The following TMEM185A variants were observed in gnomAD, a reference collection of about 807,000 sequenced individuals.
The protein encoded by TMEM185A is family with sequence similarity 11, member A.
Under a neutral mutation model 25.0 loss-of-function variants are expected in TMEM185A, and 9 were observed. The observed-to-expected ratio is 0.36, with a 90% CI of 0.22 to 0.63. The LOEUF is 0.63. TMEM185A is among the 20% of genes least tolerant of loss of function. The pLI is 0.68. For missense variants in TMEM185A, 103 were observed against 237.4 expected (o/e 0.43, Z 3.72); for synonymous variants, 45 against 93.5 (o/e 0.48, Z 2.99).
At position 149,605,529 on chromosome X, in the gene TMEM185A, G is replaced by A. The variant is rs113736668; in HGVS notation, c.424-1459C>T. ...TATGGCCTCCCATGTCACTTTCTATGGCCTCCCATGTCACTTTCTATAGCC... is the reference window on the plus strand; with the variant it reads ...TATGGCCTCCCATGTCACTTTCTATAGCCTCCCATGTCACTTTCTATAGCC... On this transcript the variant is annotated intron_variant, in intron 3 of 6. Transcript: ENST00000600449. Among the ~76,000 whole-genome samples the A allele has an allele frequency of 3.4e-3, 287 of 85,242 alleles. 2 individuals carry two copies. Among genetic ancestry groups the A allele is most frequent in the African/African-American group, 9.5e-3 (206 of 21,751 alleles). The allele number at this position is 85,242 out of a possible 115,157, so 74.0% of individuals were successfully genotyped here. A position where few individuals can be genotyped will look rare whatever the true frequency, so the allele number is the denominator to read the frequency against.
chrX:149,612,919 T>C (rs782702522), intron 1 of TMEM185A, among the ~76,000 whole-genome samples: 9 of 112,126 alleles, frequency 8.0e-5, no homozygotes, highest in South Asian at 3.7e-4. Context: ...TAACAAGCTA[T>C]AGCATATTCA....
chrX:149,605,745 T>C (rs1387507461), intron 3 of TMEM185A, among the ~76,000 whole-genome samples: 2 of 112,303 alleles, frequency 1.8e-5, no homozygotes, highest in Non-Finnish European at 3.8e-5. Flanking sequence ...TGATGATGAC[T>C]GCCTAGTGAG....
rs782342821 is a variant in TMEM185A, at chrX:149,619,661, C to T, written c.39-8198G>A. On this transcript the variant is annotated intron_variant, in intron 1 of 6. Coordinates refer to ENST00000600449, the MANE Select transcript of TMEM185A (RefSeq NM_032508.4). Reference sequence around the variant, plus strand: ...ATGCTATCCCTCCCCCCAACCCCCACCCCACAACAGTCCCCAGAGTGTGAT... The same window carrying T: ...ATGCTATCCCTCCCCCCAACCCCCATCCCACAACAGTCCCCAGAGTGTGAT... Among the ~76,000 whole-genome samples the T allele has an allele frequency of 6.6e-5, 7 of 106,653 alleles. No homozygotes were observed. In the East Asian group the frequency reaches 1.2e-3, roughly 18 times the overall value. The allele number at this position is 106,653 out of a possible 115,157, so 92.6% of individuals were successfully genotyped here. A position where few individuals can be genotyped will look rare whatever the true frequency, so the allele number is the denominator to read the frequency against.
Position 149,631,488 on chromosome X carries a change from C to A in TMEM185A, c.38+55G>T. 6 of 1,132,656 alleles carry A rather than the reference C, an allele frequency of 5.3e-6. No homozygotes were observed. The East Asian group carries it at 1.1e-4, about 21-fold the overall frequency. 93.3% of individuals were successfully genotyped at this position (1,132,656 alleles called of 1,213,427 possible). A position where few individuals can be genotyped will look rare whatever the true frequency, so the allele number is the denominator to read the frequency against. ...GTGCCTCCCCGGAGCCGAACACCAG[C>A]CCGCGCCCGAGCCCGCAGCGCGGAC... is the stretch of plus-strand genomic sequence containing the variant. On this transcript the variant is annotated intron_variant, in intron 1 of 6. Transcript: ENST00000600449.
chrX:149,608,124 T>C (rs1257378522), intron 3 of TMEM185A, among the ~76,000 whole-genome samples: 1 of 111,664 alleles, frequency 9.0e-6, no homozygotes, highest in African/African-American at 3.3e-5. Flanking sequence ...TTCTGTCTGA[T>C]TGATACAGGA....
chrX:149,609,130 ATGTACATAAACACTTC>A (rs2090068364), intron 2 of TMEM185A, among the ~76,000 whole-genome samples: 1 of 112,613 alleles, frequency 8.9e-6, no homozygotes, highest in Admixed American at 9.4e-5. Flanking sequence ...TTCCCTGACA[ATGTACATAAACACTTC>A]TGTTCACATC....
intron 1 of TMEM185A, among the ~76,000 whole-genome samples, chrX:149,631,231 G>A (rs950106701): frequency 1.8e-5 from 2 of 109,651 alleles, no homozygotes; most frequent in African/African-American, 6.7e-5. Flanking sequence ...AGACGAAGAA[G>A]TTGGGACACC....
intron 1 of TMEM185A, among the ~76,000 whole-genome samples, chrX:149,628,890 G>C (rs1557356319): frequency 2.7e-5 from 3 of 112,012 alleles, no homozygotes. Flanking sequence ...TTATCTTATA[G>C]GCTCTGGAGA....
intron 1 of TMEM185A, among the ~76,000 whole-genome samples, chrX:149,626,810 G>T (rs1182679521): frequency 8.9e-6 from 1 of 112,225 alleles, no homozygotes; most frequent in Non-Finnish European, 1.9e-5. Context: ...TTCAAGGAAA[G>T]GTACTGTGCC....
intron 1 of TMEM185A, among the ~76,000 whole-genome samples, chrX:149,627,431 A>G (rs1381730994): frequency 2.7e-5 from 3 of 112,330 alleles, no homozygotes; most frequent in Admixed American, 1.9e-4. Flanking sequence ...TTCTTAGTAC[A>G]GATCAAAATG....
intron 4 of TMEM185A, chrX:149,602,330 A>G (rs2090022114): frequency 8.9e-6 from 1 of 112,380 alleles, no homozygotes; most frequent in African/African-American, 3.2e-5. Context: ...TGCAAACCCC[A>G]AAGATTCTGT....
At chrX:149,631,025 G>T (rs1321803695) in intron 1 of TMEM185A, among the ~76,000 whole-genome samples, 3 of 111,100 alleles carry the variant, frequency 2.7e-5, no homozygotes, top group African/African-American at 9.8e-5. Context: ...TGACTCCAAG[G>T]ATTCAACAGT....
intron 1 of TMEM185A, among the ~76,000 whole-genome samples, chrX:149,618,195 G>A (rs1395093598): frequency 2.7e-5 from 3 of 111,617 alleles, no homozygotes; most frequent in African/African-American, 6.5e-5. Context: ...GTCTCCACTC[G>A]GGAAGATTAA....
intron 2 of TMEM185A, among the ~76,000 whole-genome samples, chrX:149,609,081 C>T (rs1253423077): frequency 5.3e-5 from 6 of 112,284 alleles, no homozygotes; most frequent in Non-Finnish European, 7.5e-5. Context: ...ATGTTTTAAC[C>T]GTATAAGGAT....
chrX:149,627,199 G>A lies in TMEM185A; in HGVS notation c.38+4344C>T, dbSNP rs916665938. On this transcript the variant is annotated intron_variant, in intron 1 of 6. Coordinates refer to ENST00000600449, the MANE Select transcript of TMEM185A (RefSeq NM_032508.4). Reference sequence around the variant, plus strand: ...AATACCCAGGCTTTCTTGGGCAGATGTCCCTGCGGCCTTCCGCAGTGCACT... The same window carrying A: ...AATACCCAGGCTTTCTTGGGCAGATATCCCTGCGGCCTTCCGCAGTGCACT... Among the ~76,000 whole-genome samples the A allele has an allele frequency of 2.7e-5, 3 of 112,701 alleles. No individual in the cohort carries two copies. The Admixed American group carries it at 2.8e-4, about 11-fold the overall frequency.
chrX:149,610,116 T>C (rs2124212290), intron 2 of TMEM185A, among the ~76,000 whole-genome samples: 1 of 111,321 alleles, frequency 9.0e-6, no homozygotes, highest in South Asian at 3.8e-4. Context: ...ATTTTCATAT[T>C]TAGTAAACAA....
chrX:149,628,405 G>A (rs1349947711), intron 1 of TMEM185A, among the ~76,000 whole-genome samples: 1 of 112,274 alleles, frequency 8.9e-6, no homozygotes, highest in Admixed American at 9.4e-5. Context: ...GGAAGGACTT[G>A]TTTGTGGGTC....
intron 4 of TMEM185A, chrX:149,602,064 C>T (rs1363914848): frequency 1.2e-5 from 1 of 83,269 alleles, no homozygotes; most frequent in African/African-American, 4.7e-5. Flanking sequence ...TGCTTTTTCG[C>T]CATGTGTATA....
chrX:149,611,173 C>G (rs2090081326), intron 2 of TMEM185A, 114 bp downstream of exon 2: 1 of 717,023 alleles, frequency 1.4e-6, no homozygotes, highest in East Asian at 3.3e-5. Context: ...TACTATAGTT[C>G]TAAGACCCCA....
Sources: gnomAD v4.1 joint callset for allele counts (sites outside exome capture counted in the v4.1 genomes callset) on GRCh38, gnomAD v4.1.1 for gene constraint, MANE v1.5 for transcripts, NCBI Gene and HGNC (gene_info 2026-07-23, HGNC 2026-07-21) for gene names.